The following SVIL variants were observed in gnomAD, a reference collection of about 807,000 sequenced individuals.
SVIL encodes archvillin.
In SVIL, 101 loss-of-function variants were observed where a neutral mutation model predicts 240.4. That is an observed-to-expected ratio of 0.42 (90% confidence interval 0.36 to 0.50). The LOEUF is 0.50. Among genes scored for constraint, SVIL ranks in the 20% least tolerant of loss-of-function variants. The pLI is 0.01. For missense variants in SVIL, 2,512 were observed against 2,818.7 expected, an observed-to-expected ratio of 0.89 and a Z score of 2.46; for synonymous variants, 999 against 1,100.0, an observed-to-expected ratio of 0.91 and a Z score of 1.82.
At chr10:29,674,680 C>G (rs191254309) in intron 2 of SVIL, among the ~76,000 whole-genome samples, 1 of 152,286 alleles carries the variant, frequency 6.6e-6, no homozygotes, top group East Asian at 1.9e-4. Flanking sequence ...CTTAAAACAA[C>G]ACAAATTCTT....
chr10:29,587,505 A>G (rs1359593910), intron 1 of SVIL, among the ~76,000 whole-genome samples: 1 of 152,232 alleles, frequency 6.6e-6, no homozygotes, highest in Non-Finnish European at 1.5e-5. Flanking sequence ...AAACTCTTCC[A>G]AGGCCGCACT....
Position 29,718,135 on chromosome 10 carries a change from G to A in SVIL, c.-400+17616C>T, listed in dbSNP as rs533915895. On this transcript the variant is annotated intron_variant, in intron 1 of 35. Transcript: ENST00000375400. ...GAGGTCAGGAGATGGAGACCATCCTGGCTAACATGGTGAAATCCCGTTTCT... is the reference window on the plus strand; with the variant it reads ...GAGGTCAGGAGATGGAGACCATCCTAGCTAACATGGTGAAATCCCGTTTCT... Among the ~76,000 whole-genome samples, 7 of 152,070 alleles carry A rather than the reference G, an allele frequency of 4.6e-5. No homozygotes were observed. In the East Asian group the frequency reaches 1.4e-3, roughly 29 times the overall value.
At chr10:29,478,984 T>C (rs1000322317) in intron 29 of SVIL, among the ~76,000 whole-genome samples, 1 of 149,576 alleles carries the variant, frequency 6.7e-6, no homozygotes, top group African/African-American at 2.5e-5. Context: ...TCCCTCCCAT[T>C]GGGGGTCCTT....
intron 5 of SVIL, among the ~76,000 whole-genome samples, chr10:29,553,748 C>A (rs937696993): frequency 4.6e-5 from 7 of 152,198 alleles, no homozygotes; most frequent in African/African-American, 1.4e-4. Context: ...AGCTGAGTCA[C>A]GTGCACTCAA....
intron 5 of SVIL, among the ~76,000 whole-genome samples, chr10:29,552,600 C>G (rs1221530880): frequency 2.0e-5 from 3 of 150,744 alleles, no homozygotes; most frequent in Non-Finnish European, 4.4e-5. Context: ...ATTTGGAAAT[C>G]TATTTTGAAG....
At chr10:29,557,417 C>A (rs1340942648) in intron 3 of SVIL, among the ~76,000 whole-genome samples, 1 of 151,594 alleles carries the variant, frequency 6.6e-6, no homozygotes, top group Non-Finnish European at 1.5e-5. Flanking sequence ...CCTTTTCTTG[C>A]CCCACATTAT....
At position 29,467,772 on chromosome 10, in the gene SVIL, C is replaced by T; in HGVS notation, c.5947G>A (p.Asp1983Asn). 6.2e-7 allele frequency: 1 copy of T among 1,614,178 alleles called. No homozygotes were observed. The highest frequency in any genetic ancestry group is 8.5e-7 in the Non-Finnish European group (1 of 1,180,028). Residue 1983 changes from aspartate to asparagine, a missense_variant, in exon 33 of 38, where the codon GAC (aspartate) becomes AAC (asparagine). Transcript: ENST00000355867. ...LGFWDALGRR[D>N]RKAYDCMLQD... ...AGCATGCAATCGTAGGCTTTCCTGT[C>T]TCTCCTTCCTAAGGCATCCCAGAAT...
intron 1 of SVIL, among the ~76,000 whole-genome samples, chr10:29,707,962 A>T (rs1564346147): frequency 6.6e-6 from 1 of 152,036 alleles, no homozygotes; most frequent in African/African-American, 2.4e-5. Context: ...AAATAACTTT[A>T]AAAAAAATGT....
intron 1 of SVIL, among the ~76,000 whole-genome samples, chr10:29,576,790 C>T (rs1291507705): frequency 1.3e-5 from 2 of 152,248 alleles, no homozygotes; most frequent in Non-Finnish European, 2.9e-5. Context: ...AAGTAATCCT[C>T]CTGCCTTGGC....
intron 9 of SVIL, 56 bp from the exon 10 acceptor site, chr10:29,531,344 C>A (rs1302169053): frequency 6.9e-7 from 1 of 1,447,834 alleles, no homozygotes; most frequent in South Asian, 1.2e-5. Flanking sequence ...AGCAGAAGAT[C>A]GAAATAAAAC....
intron 1 of SVIL, among the ~76,000 whole-genome samples, chr10:29,612,031 T>C (rs1370178740): frequency 6.6e-6 from 1 of 152,150 alleles, no homozygotes; most frequent in African/African-American, 2.4e-5. Context: ...TCCAGAAATA[T>C]TCTGCCTGCC....
chr10:29,639,954 G>A (rs1436726431), upstream of SVIL, among the ~76,000 whole-genome samples: 1 of 152,088 alleles, frequency 6.6e-6, no homozygotes, highest in African/African-American at 2.4e-5. Flanking sequence ...TGGCGCTTTG[G>A]GGAATGCCAG....
At chr10:29,690,154 T>C (rs1027891517) in intron 1 of SVIL, among the ~76,000 whole-genome samples, 31 of 152,194 alleles carry the variant, frequency 2.0e-4, no homozygotes, top group African/African-American at 7.2e-4. Flanking sequence ...TACCAAAATG[T>C]AGAATCGCCT....
intron 1 of SVIL, among the ~76,000 whole-genome samples, chr10:29,586,478 C>G (rs1956170439): frequency 6.6e-6 from 1 of 152,068 alleles, no homozygotes; most frequent in Admixed American, 6.6e-5. Flanking sequence ...GTGACTTATT[C>G]CACTTAGCTC....
intron 3 of SVIL, among the ~76,000 whole-genome samples, chr10:29,643,156 C>A (rs1462798589): frequency 6.6e-6 from 1 of 152,204 alleles, no homozygotes; most frequent in African/African-American, 2.4e-5. Flanking sequence ...GTAGTGGCCT[C>A]ACTGTCCATT....
At chr10:29,724,637 T>G (rs1964185049) in intron 1 of SVIL, among the ~76,000 whole-genome samples, 1 of 152,212 alleles carries the variant, frequency 6.6e-6, no homozygotes, top group Non-Finnish European at 1.5e-5. Context: ...ATGGACATCA[T>G]CTAACACTGG....
At chr10:29,556,392 C>G (rs1476033574) in intron 3 of SVIL, among the ~76,000 whole-genome samples, 3 of 152,098 alleles carry the variant, frequency 2.0e-5, no homozygotes, top group Admixed American at 6.6e-5. Flanking sequence ...TTTCCATTTT[C>G]TTTTCTCTAA....
At chr10:29,675,125 A>G (rs1288104616) in intron 2 of SVIL, among the ~76,000 whole-genome samples, 1 of 152,180 alleles carries the variant, frequency 6.6e-6, no homozygotes, top group African/African-American at 2.4e-5. Context: ...CCTACCCCAC[A>G]TATTGCTAGA....
At chr10:29,644,937 G>A (rs1958607823) in intron 3 of SVIL, among the ~76,000 whole-genome samples, 1 of 151,966 alleles carries the variant, frequency 6.6e-6, no homozygotes, top group Non-Finnish European at 1.5e-5. Context: ...ATGGTGGGAG[G>A]TGGGAGGCTG....
Sources: gnomAD v4.1 joint callset for allele counts (sites outside exome capture counted in the v4.1 genomes callset) on GRCh38, gnomAD v4.1.1 for gene constraint, MANE v1.5 for transcripts, NCBI Gene and HGNC (gene_info 2026-07-23, HGNC 2026-07-21) for gene names.